BTD: variants seen among roughly 807,000 people sequenced by gnomAD.
The protein encoded by BTD is biocytinase.
A neutral mutation model predicts 17.7 loss-of-function variants in BTD; 13 were observed. The ratio of observed to expected loss-of-function variants is 0.74; its 90% CI spans 0.48 to 1.17. The LOEUF is 1.17. BTD is among the 50% of genes most tolerant of loss of function. The pLI is 0.00. For synonymous variants in BTD, 240 were observed against 245.2 expected (o/e 0.98, Z 0.20); for missense variants, 674 against 650.4 (o/e 1.04, Z -0.39).
chr3:15,665,691 A>C (rs2065973939), intron 3 of BTD, among the ~76,000 whole-genome samples: 1 of 152,110 alleles, frequency 6.6e-6, no homozygotes. Flanking sequence ...GCCCCATCCC[A>C]CGGAGGTAGG....
chr3:15,635,287 AT>A lies in BTD; in HGVS notation c.-16-136del. 17 of 1,336,012 alleles carry A rather than the reference AT, an allele frequency of 1.3e-5. No homozygotes were observed. Among genetic ancestry groups the A allele is most frequent in the Non-Finnish European group, 1.8e-5 (17 of 941,508 alleles). The allele number at this position is 1,336,012 out of a possible 1,614,324, so 82.8% of individuals were successfully genotyped here. Reference sequence around the variant, plus strand: ...AAACACATACTCTTTTATTAGGAACATGAAACAAACTCTTTGAGCCGCAGTA... The same window carrying A: ...AAACACATACTCTTTTATTAGGAACAGAAACAAACTCTTTGAGCCGCAGTA... On this transcript the variant is annotated intron_variant, in intron 1 of 3. Coordinates refer to ENST00000643237, the MANE Select transcript of BTD (RefSeq NM_001370658.1). This position sits in a 1 kb window ranked among gnomAD's most constrained non-coding sequence, Gnocchi z 4.1.
intron 2 of BTD, among the ~76,000 whole-genome samples, chr3:15,641,159 A>G (rs920701710): frequency 4.6e-5 from 7 of 152,350 alleles, no homozygotes; most frequent in Non-Finnish European, 7.3e-5. Flanking sequence ...CATCACAGCC[A>G]GGGAACACAG....
In BTD at chr3:15,647,393, C is replaced by T. The variant is rs1027832078; in HGVS notation, c.*1905C>T. ...GCTAAATACAGACTTGGCAGAACTA[C>T]TTCACCCAGTAAACATCTAATCAGC... On this transcript the variant is annotated 3_prime_UTR_variant, in exon 4 of 4. Coordinates refer to ENST00000643237, the MANE Select transcript of BTD (RefSeq NM_001370658.1). 2 of 152,252 alleles carry T rather than the reference C, an allele frequency of 1.3e-5. No individual in the cohort carries two copies. 9.4% of individuals were successfully genotyped at this position (152,252 alleles called of 1,614,324 possible).
In BTD at chr3:15,601,873, G is replaced by A. The variant is rs138473616; in HGVS notation, c.-38G>A. On this transcript the variant is annotated 5_prime_UTR_variant, in exon 1 of 4. Transcript: ENST00000643237. ...AGAATGGCGCATGCGCATATTCAGG[G>A]CGGAAGGCGCGCTAAGAGCAGGTAC... 81 of 1,614,038 alleles carry A rather than the reference G, an allele frequency of 5.0e-5. No homozygotes were observed. Among genetic ancestry groups the A allele is most frequent in the Non-Finnish European group, 6.6e-5 (78 of 1,180,048 alleles).
intron 1 of BTD, chr3:15,606,681 T>C (rs542161203): frequency 6.6e-6 from 1 of 152,362 alleles, no homozygotes; most frequent in South Asian, 2.1e-4. Flanking sequence ...TTGTTTAAAC[T>C]TGCTTTCACC....
At chr3:15,681,494 T>C (rs1267620301) in intron 3 of BTD, among the ~76,000 whole-genome samples, 1 of 152,236 alleles carries the variant, frequency 6.6e-6, no homozygotes, top group Non-Finnish European at 1.5e-5. Context: ...AAATAAAATG[T>C]TGCTTATTTT....
At chr3:15,719,533 T>C (rs548826943) in intron 4 of BTD, among the ~76,000 whole-genome samples, 1 of 152,312 alleles carries the variant, frequency 6.6e-6, no homozygotes, top group East Asian at 1.9e-4. Flanking sequence ...TGTGCTCTCT[T>C]ATAAAATTAT....
At chr3:15,713,568 C>A (rs1287029983), downstream of BTD, 1 of 1,611,214 alleles carries the variant, frequency 6.2e-7, no homozygotes, top group Non-Finnish European at 8.5e-7. Flanking sequence ...TGTTGATCAG[C>A]AGCTCATGGC....
intron 4 of BTD, chr3:15,720,859 A>G: frequency 6.8e-7 from 1 of 1,479,498 alleles, no homozygotes; most frequent in Non-Finnish European, 9.3e-7. Flanking sequence ...TTCACCATTG[A>G]TGTTGTTTTA....
chr3:15,670,332 C>T, intron 3 of BTD: 1 of 1,613,240 alleles, frequency 6.2e-7, no homozygotes, highest in Non-Finnish European at 8.5e-7. Context: ...TACTCCTGTT[C>T]CCCTCCAATG....
intron 1 of BTD, among the ~76,000 whole-genome samples, chr3:15,613,964 T>A (rs1328903890): frequency 6.6e-6 from 1 of 152,066 alleles, no homozygotes; most frequent in African/African-American, 2.4e-5. Flanking sequence ...CTTCAAATAT[T>A]TCGTGTTCTG....
At chr3:15,639,167 G>A (rs568232230) in intron 2 of BTD, among the ~76,000 whole-genome samples, 1 of 151,930 alleles carries the variant, frequency 6.6e-6, no homozygotes, top group African/African-American at 2.4e-5. Flanking sequence ...TTACTTCCTA[G>A]ATAGGATTAC....
At chr3:15,694,047 A>G (rs2069176236) in intron 3 of BTD, among the ~76,000 whole-genome samples, 1 of 152,116 alleles carries the variant, frequency 6.6e-6, no homozygotes, top group African/African-American at 2.4e-5. Context: ...CCTGATTCTC[A>G]AAGTACCCCC....
At chr3:15,720,509 T>C (rs1395245339) in intron 4 of BTD, among the ~76,000 whole-genome samples, 1 of 152,190 alleles carries the variant, frequency 6.6e-6, no homozygotes, top group Non-Finnish European at 1.5e-5. Context: ...TAAGAGAAAA[T>C]TTATATGCTA....
At chr3:15,615,356 G>C (rs914479403) in intron 1 of BTD, among the ~76,000 whole-genome samples, 1 of 152,124 alleles carries the variant, frequency 6.6e-6, no homozygotes, top group Non-Finnish European at 1.5e-5. Context: ...AAGTTTCTAC[G>C]TCAGATAGTT....
rs1305676279 is a variant in BTD, at chr3:15,648,524, C to T, written c.*3036C>T. ...ACAAGCATGGACATTGTTAGTTCAC[C>T]CAGTTCTGTGGGGCAGGAAAGCGGG... On this transcript the variant is annotated 3_prime_UTR_variant, in exon 4 of 4. Transcript: ENST00000643237. Among the ~76,000 whole-genome samples, 1 of 152,148 alleles carries T rather than the reference C, an allele frequency of 6.6e-6. No homozygotes were observed. Among genetic ancestry groups the T allele is most frequent in the Non-Finnish European group, 1.5e-5 (1 of 68,026 alleles).
chr3:15,642,369 C>G, intron 3 of BTD: 1 of 849,408 alleles, frequency 1.2e-6, no homozygotes, highest in Non-Finnish European at 1.7e-6. Context: ...TCATCCCATG[C>G]CCTTGCTTAG....
chr3:15,616,134 CA>C (rs1447560224), intron 1 of BTD, among the ~76,000 whole-genome samples: 1 of 152,038 alleles, frequency 6.6e-6, no homozygotes, highest in Non-Finnish European at 1.5e-5. Context: ...TTTTTGGAGA[CA>C]TAAGTTTTCT....
downstream of BTD, chr3:15,713,789 G>A: frequency 2.1e-6 from 1 of 469,352 alleles, no homozygotes; most frequent in South Asian, 4.7e-5. Flanking sequence ...CATTTATTGG[G>A]CCAGGCAATG....
Sources: allele counts gnomAD v4.1 joint callset (sites outside exome capture counted in the v4.1 genomes callset), GRCh38; gene constraint gnomAD v4.1.1; non-coding constraint Gnocchi (gnomAD v3.1); transcripts MANE v1.5; gene names NCBI Gene and HGNC (gene_info 2026-07-23, HGNC 2026-07-21).